The following QTMAN variants were observed in gnomAD, a reference collection of about 807,000 sequenced individuals.
QTMAN encodes the protein queuosine-tRNA mannosyltransferase, also known as tRNA-queuosine alpha-mannosyltransferase.
At chr2:143,988,895 A>T in the QTMAN span, among the ~76,000 whole-genome samples, 2 of 152,234 alleles carry the variant, frequency 1.3e-5, no homozygotes, top group African/African-American at 4.8e-5. Context: ...CATGGTTCTT[A>T]TGCTAAATTA....
At chr2:144,000,213 A>G in the QTMAN span, among the ~76,000 whole-genome samples, 5 of 152,072 alleles carry the variant, frequency 3.3e-5, no homozygotes, top group African/African-American at 1.2e-4. Context: ...ATGTCAGAGG[A>G]TAAAATAAAA....
chr2:144,299,501 T>C, the QTMAN span, among the ~76,000 whole-genome samples: 1 of 152,218 alleles, frequency 6.6e-6, no homozygotes, highest in Non-Finnish European at 1.5e-5. Context: ...GGAAACCTGT[T>C]GTGAAGGCTA....
the QTMAN span, among the ~76,000 whole-genome samples, chr2:143,997,967 T>A: frequency 3.3e-5 from 5 of 152,066 alleles, no homozygotes. Flanking sequence ...AGTTTGCCGA[T>A]CAGCAGGTAT....
chr2:144,259,007 C>T, the QTMAN span, among the ~76,000 whole-genome samples: 2 of 152,240 alleles, frequency 1.3e-5, no homozygotes. Context: ...GAGAATTGTT[C>T]CTACAGCCAC....
At chr2:144,290,277 A>G in the QTMAN span, among the ~76,000 whole-genome samples, 1 of 152,284 alleles carries the variant, frequency 6.6e-6, no homozygotes, top group Middle Eastern at 3.4e-3. Flanking sequence ...GCTTAGTCCA[A>G]ACTTTCTCTC....
chr2:144,175,540 C>A, the QTMAN span, among the ~76,000 whole-genome samples: 1 of 152,128 alleles, frequency 6.6e-6, no homozygotes, highest in Admixed American at 6.6e-5. Flanking sequence ...ACTAAATTCA[C>A]ATGGCATCAC....
chr2:144,184,814 C>T, the QTMAN span, among the ~76,000 whole-genome samples: 2 of 152,038 alleles, frequency 1.3e-5, no homozygotes, highest in East Asian at 1.9e-4. Flanking sequence ...ATAGGTATAA[C>T]TCCATATACC....
At chr2:144,258,845 C>CT in the QTMAN span, among the ~76,000 whole-genome samples, 1 of 152,104 alleles carries the variant, frequency 6.6e-6, no homozygotes, top group Non-Finnish European at 1.5e-5. Flanking sequence ...CATAGAATAG[C>CT]TTGTTTGTCC....
the QTMAN span, among the ~76,000 whole-genome samples, chr2:144,145,108 T>TAAAA: frequency 9.2e-6 from 1 of 109,056 alleles, no homozygotes; most frequent in Non-Finnish European, 2.0e-5. Flanking sequence ...TCTTACAATT[T>TAAAA]AAAAAAAAAA....
chr2:144,209,600 A>C, the QTMAN span, among the ~76,000 whole-genome samples: 1 of 152,252 alleles, frequency 6.6e-6, no homozygotes, highest in African/African-American at 2.4e-5. Context: ...TACTAAAGAC[A>C]TGATAAAATT....
chr2:144,200,738 C>T, the QTMAN span, among the ~76,000 whole-genome samples: 1 of 151,998 alleles, frequency 6.6e-6, no homozygotes, highest in Non-Finnish European at 1.5e-5. Flanking sequence ...CAGAAAATGG[C>T]AGCTTTCATA....
At chr2:143,993,980 T>A in the QTMAN span, among the ~76,000 whole-genome samples, 1 of 152,188 alleles carries the variant, frequency 6.6e-6, no homozygotes, top group African/African-American at 2.4e-5. Flanking sequence ...CATATACCCA[T>A]CTCTCTTCCT....
chr2:144,215,049 C>T, the QTMAN span, among the ~76,000 whole-genome samples: 3 of 151,890 alleles, frequency 2.0e-5, no homozygotes, highest in Non-Finnish European at 4.4e-5. Flanking sequence ...TTGAAACCAG[C>T]CTGGGCTGTT....
chr2:144,242,973 A>G, the QTMAN span, among the ~76,000 whole-genome samples: 3 of 150,966 alleles, frequency 2.0e-5, no homozygotes, highest in African/African-American at 7.3e-5. Flanking sequence ...AAAAAAAAAA[A>G]AAAAAAAAAA....
the QTMAN span, among the ~76,000 whole-genome samples, chr2:144,229,684 C>T: frequency 7.4e-4 from 112 of 152,110 alleles, no homozygotes; most frequent in Admixed American, 1.7e-3. Context: ...TTAAGTTAGG[C>T]GTGGGGGGAA....
At chr2:144,042,785 T>C in the QTMAN span, among the ~76,000 whole-genome samples, 1 of 146,926 alleles carries the variant, frequency 6.8e-6, no homozygotes, top group Non-Finnish European at 1.5e-5. Flanking sequence ...AAAAAAAAGA[T>C]AATACAAATA....
At chr2:144,285,856 A>C in the QTMAN span, among the ~76,000 whole-genome samples, 2 of 152,200 alleles carry the variant, frequency 1.3e-5, no homozygotes, top group African/African-American at 4.8e-5. Flanking sequence ...TTCCAAAAAC[A>C]ACCACAGCAA....
chr2:144,238,544 C>A, the QTMAN span, among the ~76,000 whole-genome samples: 1 of 152,126 alleles, frequency 6.6e-6, no homozygotes, highest in Non-Finnish European at 1.5e-5. Flanking sequence ...TATGAAAATT[C>A]TCCTGTCTCA....
the QTMAN span, among the ~76,000 whole-genome samples, chr2:144,009,010 T>C: frequency 2.0e-4 from 31 of 151,856 alleles, no homozygotes; most frequent in African/African-American, 6.8e-4. Flanking sequence ...ATGAGGCACA[T>C]GGGCACAGTG....
Sources: allele counts gnomAD v4.1 joint callset (sites outside exome capture counted in the v4.1 genomes callset), GRCh38; gene constraint gnomAD v4.1.1; transcripts MANE v1.5; gene names NCBI Gene and HGNC (gene_info 2026-07-23, HGNC 2026-07-21).